Variants in ECPAS observed in about 807,000 individuals in gnomAD.
The protein encoded by ECPAS is Ecm29 proteasome adaptor and scaffold, also known as proteasome adapter and scaffold protein ECM29.
In ECPAS, 70 loss-of-function variants were observed where a neutral mutation model predicts 255.1. The observed-to-expected ratio is 0.27, with a 90% CI of 0.23 to 0.33. ECPAS has a LOEUF of 0.33. Among genes scored for constraint, ECPAS ranks in the 10% least tolerant of loss-of-function variants. The pLI is 1.00. For synonymous variants in ECPAS, 784 were observed against 775.0 expected, an observed-to-expected ratio of 1.01 and a Z score of -0.19; for missense variants, 1,817 against 2,206.4, an observed-to-expected ratio of 0.82 and a Z score of 3.54.
intron 22 of ECPAS, among the ~76,000 whole-genome samples, chr9:111,410,672 A>T (rs1391629864): frequency 4.6e-5 from 7 of 152,022 alleles, no homozygotes; most frequent in Admixed American, 4.6e-4. Flanking sequence ...ACACGCCACC[A>T]TACCAAGCTA....
At chr9:111,472,860 A>C (rs2098290758) in intron 2 of ECPAS, 37 bp downstream of exon 2, 5 of 760,780 alleles carry the variant, frequency 6.6e-6, no homozygotes, top group Admixed American at 4.2e-5. Flanking sequence ...CTGCTACAAA[A>C]AAAATGCACA....
chr9:111,459,928 C>A (rs568636773), intron 2 of ECPAS, among the ~76,000 whole-genome samples: 4 of 152,156 alleles, frequency 2.6e-5, no homozygotes, highest in Non-Finnish European at 5.9e-5. Context: ...CAGGGGAACA[C>A]ATCCCTGAAT....
chr9:111,426,871 G>A (rs563412588), intron 10 of ECPAS, among the ~76,000 whole-genome samples: 1 of 152,060 alleles, frequency 6.6e-6, no homozygotes, highest in Non-Finnish European at 1.5e-5. Flanking sequence ...GGGAGGCCTG[G>A]AGATGGGAGA....
intron 28 of ECPAS, 125 bp downstream of exon 28, chr9:111,392,643 G>T (rs1260092164): frequency 3.2e-6 from 2 of 625,738 alleles, no homozygotes; most frequent in Non-Finnish European, 5.5e-6. Context: ...TTATGGACTC[G>T]CAACTTAGAA....
chr9:111,451,555 T>C lies in ECPAS; in HGVS notation c.23A>G (p.Asp8Gly). ...TCGTAAAAAGACCCGTTCAAGCTGA[T>C]CTATAATATAAAAAGAAAAAAAGAG... MYHIDCR[D>G]QLERVFLRLG... Residue 8 changes from aspartate to glycine, a missense_variant and splice_region_variant, in exon 3 of 50, where the codon GAT becomes GGT. Coordinates refer to ENST00000684092, the MANE Select transcript of ECPAS (RefSeq NM_001364929.1). 3.9e-6 allele frequency: 6 copies of C among 1,546,164 alleles called. No homozygotes were observed. Among genetic ancestry groups the C allele is most frequent in the Non-Finnish European group, 5.2e-6 (6 of 1,152,602 alleles).
chr9:111,471,235 G>C (rs561275786), intron 2 of ECPAS, among the ~76,000 whole-genome samples: 3 of 152,232 alleles, frequency 2.0e-5, no homozygotes, highest in African/African-American at 7.2e-5. Flanking sequence ...AAAAGCTCTA[G>C]GAGTTAAAGA....
At chr9:111,424,996 T>C (rs2098219393) in intron 12 of ECPAS, among the ~76,000 whole-genome samples, 1 of 152,016 alleles carries the variant, frequency 6.6e-6, no homozygotes, top group African/African-American at 2.4e-5. Context: ...AGACGGCCAG[T>C]AGAGATGGCC....
At chr9:111,441,684 A>G (rs2131901975) in intron 5 of ECPAS, among the ~76,000 whole-genome samples, 1 of 152,350 alleles carries the variant, frequency 6.6e-6, no homozygotes, top group African/African-American at 2.4e-5. Flanking sequence ...TACAAACAGT[A>G]CTTGTAATGT....
chr9:111,417,073 C>A (rs1160334029), intron 17 of ECPAS, among the ~76,000 whole-genome samples: 3 of 151,938 alleles, frequency 2.0e-5, no homozygotes, highest in Non-Finnish European at 4.4e-5. Context: ...AACTCTGTCT[C>A]TACAAAAAAT....
intron 35 of ECPAS, among the ~76,000 whole-genome samples, chr9:111,382,008 AACACACACAC>A (rs72204951): frequency 7.5e-5 from 11 of 147,126 alleles, no homozygotes; most frequent in East Asian, 4.0e-4. Context: ...AATTTTGTAA[AACACACACAC>A]ACACACACAC....
At chr9:111,405,589 C>T (rs974525095) in intron 24 of ECPAS, among the ~76,000 whole-genome samples, 6 of 149,740 alleles carry the variant, frequency 4.0e-5, no homozygotes, top group African/African-American at 1.5e-4. Flanking sequence ...AAGGAAACAT[C>T]CAACAGAGTG....
intron 36 of ECPAS, 106 bp downstream of exon 36, chr9:111,378,474 G>A: frequency 1.7e-6 from 2 of 1,148,466 alleles, no homozygotes; most frequent in Non-Finnish European, 2.4e-6. Context: ...GTGACAGAGG[G>A]TGAGTTCTGG....
chr9:111,372,506 T>C lies in ECPAS; in HGVS notation c.4451A>G (p.His1484Arg), dbSNP rs374101735. Residue 1484 changes from histidine to arginine, a missense_variant, in exon 42 of 50, where the codon CAT becomes CGT. This residue lies in a region of ECPAS where 960 missense variants were observed against 1,179.0 expected (regional missense o/e 0.81). Coordinates refer to ENST00000684092, the MANE Select transcript of ECPAS (RefSeq NM_001364929.1). ...GGATTTCTCCTCATCAGCAATTTCA[T>C]GCATGCCTAAAAATGCCAGAGGCAG... ...EVLPLAFLGMHEIADEEKSEK... is the reference protein window; with the variant it reads ...EVLPLAFLGMREIADEEKSEK... 3 of 1,613,816 alleles carry C rather than the reference T, an allele frequency of 1.9e-6. No homozygotes were observed. Among genetic ancestry groups the C allele is most frequent in the East Asian group, 2.2e-5 (1 of 44,894 alleles).
chr9:111,436,433 C>T (rs2098238289), intron 7 of ECPAS, among the ~76,000 whole-genome samples: 1 of 152,134 alleles, frequency 6.6e-6, no homozygotes, highest in African/African-American at 2.4e-5. Context: ...ATCCTTAATG[C>T]CAATTTTTAA....
intron 2 of ECPAS, among the ~76,000 whole-genome samples, chr9:111,463,328 T>C (rs2098275470): frequency 6.6e-6 from 1 of 152,196 alleles, no homozygotes; most frequent in Non-Finnish European, 1.5e-5. Context: ...AAATTCTATT[T>C]TGTGCCCAAA....
intron 3 of ECPAS, among the ~76,000 whole-genome samples, chr9:111,450,298 G>T (rs1013910522): frequency 6.6e-6 from 1 of 152,204 alleles, no homozygotes; most frequent in African/African-American, 2.4e-5. Flanking sequence ...GTTTTAAATA[G>T]AAGAGTGACA....
chr9:111,370,742 G>A lies in ECPAS; in HGVS notation c.4761C>T (p.Ala1587=), dbSNP rs1286375280. ...AGKEELLKAI[A]CVVTACSAEL... ...TTTACCTGCAAGCTGTCACCACACA[G>A]GCAATGGCTTTCAATAGCTCCTCCT... Residue 1587 remains alanine, a synonymous_variant, in exon 44 of 50, where the codon GCC becomes GCT. Coordinates refer to ENST00000684092, the MANE Select transcript of ECPAS (RefSeq NM_001364929.1). 1 of 1,607,272 alleles carries A rather than the reference G, an allele frequency of 6.2e-7. No homozygotes were observed. The highest frequency in any genetic ancestry group is 2.2e-5 in the East Asian group (1 of 44,650).
At chr9:111,398,702 C>T (rs2098171115) in intron 24 of ECPAS, among the ~76,000 whole-genome samples, 1 of 152,074 alleles carries the variant, frequency 6.6e-6, no homozygotes, top group Non-Finnish European at 1.5e-5. Flanking sequence ...TTTGGGAGGC[C>T]ACGGTGGGCG....
intron 25 of ECPAS, among the ~76,000 whole-genome samples, chr9:111,396,272 A>G (rs750502841): frequency 2.0e-5 from 3 of 152,190 alleles, no homozygotes; most frequent in Non-Finnish European, 4.4e-5. Flanking sequence ...ACTTGAAATC[A>G]TAATATATAA....
Sources: allele counts gnomAD v4.1 joint callset (sites outside exome capture counted in the v4.1 genomes callset), GRCh38; gene constraint gnomAD v4.1.1; regional missense constraint gnomAD v4.1.1; transcripts MANE v1.5; gene names NCBI Gene and HGNC (gene_info 2026-07-23, HGNC 2026-07-21).